PTPRD: variants seen among roughly 807,000 people sequenced by gnomAD.
PTPRD encodes the protein protein tyrosine phosphatase receptor type D.
A neutral mutation model predicts 214.5 loss-of-function variants in PTPRD; 34 were observed. The ratio of observed to expected loss-of-function variants is 0.16; its 90% confidence interval spans 0.12 to 0.21. PTPRD has a LOEUF of 0.21. PTPRD is among the 10% of genes least tolerant of loss of function. PTPRD has a pLI of 1.00. For synonymous variants in PTPRD, 1,128 were observed against 845.7 expected (o/e 1.33, Z -5.79); for missense variants, 2,545 against 2,398.7 (o/e 1.06, Z -1.27).
chr9:10,258,542 A>G (rs1368246993), intron 3 of PTPRD, among the ~76,000 whole-genome samples: 2 of 152,250 alleles, frequency 1.3e-5, no homozygotes, highest in Non-Finnish European at 2.9e-5. Flanking sequence ...ACTTTCATTT[A>G]GCAATTCTTG....
intron 9 of PTPRD, among the ~76,000 whole-genome samples, chr9:9,252,325 A>C (rs1174548222): frequency 1.3e-5 from 2 of 152,034 alleles, no homozygotes; most frequent in Non-Finnish European, 2.9e-5. Flanking sequence ...GAGTTAATTA[A>C]GAGATTTTAT....
chr9:8,830,260 A>T (rs2097261494), intron 11 of PTPRD, among the ~76,000 whole-genome samples: 1 of 152,138 alleles, frequency 6.6e-6, no homozygotes. Flanking sequence ...CCACAGTCCA[A>T]ACTCTTAAGT....
intron 5 of PTPRD, among the ~76,000 whole-genome samples, chr9:9,810,236 A>G (rs551379712): frequency 1.3e-5 from 2 of 152,082 alleles, no homozygotes; most frequent in African/African-American, 2.4e-5. Flanking sequence ...TATACTACAT[A>G]GACTATACAA....
chr9:9,880,458 C>G lies in PTPRD; in HGVS notation c.-368+58049G>C, dbSNP rs567610831. ...TTAGAATTTCAAAAATCAGATATCA[C>G]CATTATCACTGTGTATAATTCTAAA... On this transcript the variant is annotated intron_variant, in intron 5 of 45. Transcript: ENST00000381196. Among the ~76,000 whole-genome samples, 77 of 152,162 alleles carry G rather than the reference C, an allele frequency of 5.1e-4. 1 individual carries two copies. Among genetic ancestry groups the G allele is most frequent in the Non-Finnish European group, 3.5e-4 (24 of 68,000 alleles).
chr9:9,174,906 G>A (rs1592926358), intron 10 of PTPRD, among the ~76,000 whole-genome samples: 1 of 152,002 alleles, frequency 6.6e-6, no homozygotes, highest in Non-Finnish European at 1.5e-5. Context: ...TCACCAGTGT[G>A]ATGGAATTAT....
At chr9:10,517,381 TATCAACAATGC>T (rs1363637385) in intron 2 of PTPRD, among the ~76,000 whole-genome samples, 1 of 152,080 alleles carries the variant, frequency 6.6e-6, no homozygotes, top group Non-Finnish European at 1.5e-5. Flanking sequence ...TCTGTTAGTG[TATCAACAATGC>T]AACTGATTTT....
chr9:10,279,383 G>T (rs1439495452), intron 3 of PTPRD, among the ~76,000 whole-genome samples: 1 of 151,834 alleles, frequency 6.6e-6, no homozygotes, highest in African/African-American at 2.4e-5. Flanking sequence ...GACCCTTTAG[G>T]CCCTAGACCT....
intron 4 of PTPRD, among the ~76,000 whole-genome samples, chr9:9,972,167 T>A (rs1212863863): frequency 6.6e-6 from 1 of 152,184 alleles, no homozygotes; most frequent in African/African-American, 2.4e-5. Context: ...TGAATTATGT[T>A]ATAGCCCACA....
intron 7 of PTPRD, among the ~76,000 whole-genome samples, chr9:9,600,634 C>G (rs1043401168): frequency 7.2e-5 from 11 of 152,088 alleles, no homozygotes; most frequent in Non-Finnish European, 1.3e-4. Flanking sequence ...CTACATGGAG[C>G]TGGCATCAAC....
intron 14 of PTPRD, among the ~76,000 whole-genome samples, chr9:8,586,330 T>A (rs1248177230): frequency 6.6e-6 from 1 of 152,180 alleles, no homozygotes. Context: ...ATATCTTGTG[T>A]ATTATAAATA....
intron 11 of PTPRD, among the ~76,000 whole-genome samples, chr9:8,760,630 C>T (rs1218733084): frequency 4.1e-5 from 6 of 144,778 alleles, no homozygotes; most frequent in South Asian, 2.2e-4. Context: ...GTGTGTGTGG[C>T]GGTGGGGGGA....
intron 9 of PTPRD, among the ~76,000 whole-genome samples, chr9:9,267,961 C>G (rs568243138): frequency 6.6e-6 from 1 of 151,190 alleles, no homozygotes; most frequent in East Asian, 2.0e-4. Context: ...CCTCTAAAAT[C>G]AGGAACAAGA....
intron 9 of PTPRD, among the ~76,000 whole-genome samples, chr9:9,342,653 A>AATGTGGTTACCT (rs2047239592): frequency 6.6e-6 from 1 of 152,056 alleles, no homozygotes; most frequent in Non-Finnish European, 1.5e-5. Context: ...TGTTGAACAA[A>AATGTGGTTACCT]ATGTGGTTAC....
At chr9:9,340,650 T>C (rs1158809155) in intron 9 of PTPRD, among the ~76,000 whole-genome samples, 3 of 152,190 alleles carry the variant, frequency 2.0e-5, no homozygotes, top group African/African-American at 4.8e-5. Flanking sequence ...TAAAGAGCTA[T>C]GAATTGAATA....
At chr9:10,481,198 G>A (rs965642799) in intron 2 of PTPRD, among the ~76,000 whole-genome samples, 1 of 152,094 alleles carries the variant, frequency 6.6e-6, no homozygotes, top group Non-Finnish European at 1.5e-5. Flanking sequence ...GTAGTTAAGG[G>A]CATAGACGGT....
intron 7 of PTPRD, among the ~76,000 whole-genome samples, chr9:9,625,951 G>C (rs1220899394): frequency 6.6e-6 from 1 of 151,996 alleles, no homozygotes; most frequent in Non-Finnish European, 1.5e-5. Flanking sequence ...TGTCCTTGTG[G>C]GCCATAAACT....
chr9:8,646,032 G>A (rs1319989869), intron 12 of PTPRD, among the ~76,000 whole-genome samples: 2 of 148,696 alleles, frequency 1.3e-5, no homozygotes, highest in African/African-American at 2.5e-5. Context: ...TCCTAAACTG[G>A]ACATTAGAAT....
rs906436847 is a variant in PTPRD, at chr9:8,786,387, G to A, written c.-103-52441C>T. ...AATTTGTTCCAGGCAGACAAAAAAG[G>A]AAAAGTTTGGAGTTCTTTTTTTTTT... On this transcript the variant is annotated intron_variant, in intron 11 of 45. Coordinates refer to ENST00000381196, the MANE Select transcript of PTPRD (RefSeq NM_002839.4). Among the ~76,000 whole-genome samples, 7 of 147,698 alleles carry A rather than the reference G, an allele frequency of 4.7e-5. 1 individual carries two copies. In the Admixed American group the frequency reaches 4.8e-4, roughly 10 times the overall value.
intron 2 of PTPRD, among the ~76,000 whole-genome samples, chr9:10,463,972 C>T (rs1193241842): frequency 8.5e-5 from 13 of 152,124 alleles, no homozygotes. Context: ...ACATTCATTA[C>T]TATACACCAA....
Sources: allele counts gnomAD v4.1 joint callset (sites outside exome capture counted in the v4.1 genomes callset), GRCh38; gene constraint gnomAD v4.1.1; transcripts MANE v1.5; gene names NCBI Gene and HGNC (gene_info 2026-07-23, HGNC 2026-07-21).